GGA3: variants seen among roughly 807,000 people sequenced by gnomAD.
GGA3 encodes ADP-ribosylation factor-binding protein GGA3.
A neutral mutation model predicts 77.5 loss-of-function variants in GGA3; 57 were observed. The observed-to-expected ratio is 0.74, with a 90% confidence interval of 0.59 to 0.92. GGA3 has a LOEUF of 0.92. Among genes scored for constraint, GGA3 ranks in the 40% least tolerant of loss-of-function variants. The pLI is 0.00. For missense variants in GGA3, 970 were observed against 914.9 expected (o/e 1.06, Z -0.78); for synonymous variants, 416 against 383.7 (o/e 1.08, Z -0.98).
At chr17:75,245,983 G>A (rs1261566962) in intron 3 of GGA3, among the ~76,000 whole-genome samples, 1 of 152,212 alleles carries the variant, frequency 6.6e-6, no homozygotes, top group East Asian at 1.9e-4. Flanking sequence ...CGGAGCATGT[G>A]GAGGCACTGA....
chr17:75,243,975 C>A lies in GGA3; in HGVS notation c.301-405G>T, dbSNP rs778286360. On this transcript the variant is annotated intron_variant, in intron 4 of 16. Coordinates refer to ENST00000537686, the MANE Select transcript of GGA3 (RefSeq NM_138619.4). The stretch of plus-strand genomic sequence containing the variant: ...CCAGAGACCATGCCCTCGGTGCTCA[C>A]CCCTGCTCTCTGCCTTTCCTTACTA... 5.3e-5 allele frequency among the ~76,000 whole-genome samples: 8 copies of A among 152,154 alleles called. 1 individual carries two copies. Among genetic ancestry groups the A allele is most frequent in the Admixed American group, 2.6e-4 (4 of 15,278 alleles).
intron 3 of GGA3, among the ~76,000 whole-genome samples, chr17:75,245,335 C>T (rs926527162): frequency 1.3e-5 from 2 of 152,110 alleles, no homozygotes; most frequent in South Asian, 2.1e-4. Flanking sequence ...GCCTGGCTGA[C>T]ATTTTGGGCT....
chr17:75,248,420 G>A (rs1206813139), intron 1 of GGA3, among the ~76,000 whole-genome samples: 1 of 123,036 alleles, frequency 8.1e-6, no homozygotes, highest in Non-Finnish European at 1.6e-5. Context: ...GCAGTGAGCT[G>A]AGATCGCACC....
chr17:75,260,231 C>G (rs183033955), intron 1 of GGA3, among the ~76,000 whole-genome samples: 2 of 152,286 alleles, frequency 1.3e-5, no homozygotes, highest in East Asian at 3.9e-4. Flanking sequence ...TATTCAATAC[C>G]CATATTAATA....
chr17:75,240,683 C>T, intron 11 of GGA3, 129 bp downstream of exon 11: 1 of 1,073,182 alleles, frequency 9.3e-7, no homozygotes, highest in Non-Finnish European at 1.3e-6. Flanking sequence ...TCACTGAGTA[C>T]CTCCAACTCA....
At position 75,240,667 on chromosome 17, in the gene GGA3, T is replaced by C. The variant is rs966407795; in HGVS notation, c.1192+145A>G. The C allele has an allele frequency of 9.2e-6, 9 of 973,464 alleles. No homozygotes were observed. In the Admixed American group the frequency reaches 1.4e-4, roughly 15 times the overall value. 60.3% of individuals were successfully genotyped at this position (973,464 alleles called of 1,614,324 possible). On this transcript the variant is annotated intron_variant, in intron 11 of 16. Coordinates refer to ENST00000537686, the MANE Select transcript of GGA3 (RefSeq NM_138619.4). ...ATGGCCCTGGGGCCCTCAGGGTCGC[T>C]GAACTTCACTGAGTACCTCCAACTC...
chr17:75,252,665 C>T (rs923710986), intron 1 of GGA3, among the ~76,000 whole-genome samples: 1 of 152,220 alleles, frequency 6.6e-6, no homozygotes, highest in Non-Finnish European at 1.5e-5. Flanking sequence ...TCCCCTATGA[C>T]TTGCACGTAT....
At position 75,240,347 on chromosome 17, in the gene GGA3, G is replaced by A. The variant is rs184594475; in HGVS notation, c.1258C>T (p.Leu420Phe). The A allele has an allele frequency of 2.6e-5, 42 of 1,591,688 alleles. No individual in the cohort carries two copies. In the African/African-American group the frequency reaches 4.8e-4, roughly 18 times the overall value. The stretch of plus-strand genomic sequence containing the variant: ...CACCGATCCTGTGCCCCTACCTGGA[G>A]CAGGTGCCACTGGCTGTTCCCAGCT... Reference protein sequence around the residue: ...ESAGNSQWHLLQREQSDLDFF... With the variant: ...ESAGNSQWHLFQREQSDLDFF... The change falls in exon 12 of 17, where the codon CTC (leucine) becomes TTC (phenylalanine). Residue 420 changes from leucine to phenylalanine, a missense_variant. Leu to Phe is a conservative substitution (Grantham distance 22). Transcript: ENST00000537686.
chr17:75,254,394 G>A (rs1442413595), intron 1 of GGA3, among the ~76,000 whole-genome samples: 3 of 152,086 alleles, frequency 2.0e-5, no homozygotes, highest in Non-Finnish European at 2.9e-5. Context: ...AAAGGTGGCT[G>A]GAGCTAAAGG....
At chr17:75,247,846 T>C (rs770966256) in intron 1 of GGA3, among the ~76,000 whole-genome samples, 11 of 152,124 alleles carry the variant, frequency 7.2e-5, no homozygotes, top group Non-Finnish European at 1.6e-4. Flanking sequence ...AGTTCTGATA[T>C]TTGGCATGGG....
At position 75,237,811 on chromosome 17, in the gene GGA3, A is replaced by T. The variant is rs1176157013; in HGVS notation, c.*468T>A. 2 of 1,427,578 alleles carry T rather than the reference A, an allele frequency of 1.4e-6. No individual in the cohort carries two copies. Among genetic ancestry groups the T allele is most frequent in the Admixed American group, 5.9e-5 (2 of 34,140 alleles). 88.4% of individuals were successfully genotyped at this position (1,427,578 alleles called of 1,614,324 possible). ...GGCAGCAGGAGCTGGTTGGCGGGGGAAGCATGGAATTGCAACAGGGCTGCA... is the reference window on the plus strand; with the variant it reads ...GGCAGCAGGAGCTGGTTGGCGGGGGTAGCATGGAATTGCAACAGGGCTGCA... On this transcript the variant is annotated 3_prime_UTR_variant, in exon 17 of 17. Transcript: ENST00000537686.
intron 4 of GGA3, among the ~76,000 whole-genome samples, chr17:75,244,238 C>T (rs1427383879): frequency 2.0e-5 from 3 of 152,168 alleles, no homozygotes; most frequent in African/African-American, 4.8e-5. Context: ...CAACAGAACA[C>T]GGCCAGCTGA....
Position 75,244,171 on chromosome 17 carries a change from T to C in GGA3, c.300+448A>G, listed in dbSNP as rs532130971. On this transcript the variant is annotated intron_variant, in intron 4 of 16. Transcript: ENST00000537686. ...GGTGTCCATGAGAATGTCTTTAGCA[T>C]GGTAAAGTATTCCCTCTGCTTTAAG... Among the ~76,000 whole-genome samples the C allele has an allele frequency of 2.0e-5, 3 of 152,332 alleles. No homozygotes were observed. In the Middle Eastern group the frequency reaches 0.01, roughly 522 times the overall value.
chr17:75,248,017 G>A (rs1197618734), intron 1 of GGA3, among the ~76,000 whole-genome samples: 1 of 152,102 alleles, frequency 6.6e-6, no homozygotes, highest in Non-Finnish European at 1.5e-5. Context: ...GAAGACAAAT[G>A]GAAGGCTGAA....
At chr17:75,258,669 CAAAT>C (rs1008940968) in intron 1 of GGA3, among the ~76,000 whole-genome samples, 20 of 152,070 alleles carry the variant, frequency 1.3e-4, no homozygotes, top group East Asian at 7.8e-4. Context: ...GACTCTGTCT[CAAAT>C]AAATAAATAA....
At chr17:75,240,646 C>T in intron 11 of GGA3, 166 bp downstream of exon 11, 1 of 798,202 alleles carries the variant, frequency 1.3e-6, no homozygotes, top group South Asian at 1.8e-5. Context: ...GGGAGGATGG[C>T]CCTGGGGCCC....
At chr17:75,250,294 G>T (rs897119151) in intron 1 of GGA3, among the ~76,000 whole-genome samples, 5 of 152,132 alleles carry the variant, frequency 3.3e-5, no homozygotes, top group African/African-American at 1.2e-4. Context: ...GTCTATTTTC[G>T]AGTCTCTGTT....
At position 75,242,463 on chromosome 17, in the gene GGA3, C is replaced by T. The variant is rs757806535; in HGVS notation, c.620G>A (p.Arg207Gln). The change falls in exon 8 of 17, where the codon CGG becomes CAG. Residue 207 changes from arginine to glutamine, a missense_variant. Transcript: ENST00000537686. ...CAGACGCTTGGTCACCTTCTGGATC[C>T]GTGCCTCGTCCTGCCCCAGTGAAGA... ...IKSMVKEDEA[R>Q]IQKVTKRLHT... The T allele has an allele frequency of 4.3e-6, 7 of 1,614,124 alleles. No individual in the cohort carries two copies. The highest frequency in any genetic ancestry group is 1.7e-5 in the Admixed American group (1 of 60,018).
chr17:75,241,841 T>G (rs545714345), intron 8 of GGA3, 145 bp from the exon 9 acceptor site: 17 of 715,478 alleles, frequency 2.4e-5, no homozygotes, highest in Non-Finnish European at 3.0e-5. Context: ...AGCGCACGTC[T>G]TCTTGCCACC....
Sources: gnomAD v4.1 joint callset for allele counts (sites outside exome capture counted in the v4.1 genomes callset) on GRCh38, gnomAD v4.1.1 for gene constraint, MANE v1.5 for transcripts, NCBI Gene and HGNC (gene_info 2026-07-23, HGNC 2026-07-21) for gene names.